XIST: variants seen among roughly 807,000 people sequenced by gnomAD.
XIST encodes the protein X inactive specific transcript, also known as X inactive specific transcript (non-protein coding).
exon 1 of XIST, chrX:73,847,904 C>G (rs1922815734): frequency 1.8e-6 from 1 of 557,226 alleles, no homozygotes; most frequent in South Asian, 2.2e-5. Flanking sequence ...ATATCCCTTG[C>G]TGTAAAACAA....
At chrX:73,821,281 C>G in exon 6 of XIST, 1 of 555,820 alleles carries the variant, frequency 1.8e-6, no homozygotes. Flanking sequence ...TCCTTCTCCA[C>G]TTATGGATGT....
rs142826759 is a variant in XIST at position 73,852,511 on chromosome X, C to A, written n.213G>T. 135 of 537,780 alleles carry A rather than the reference C, an allele frequency of 2.5e-4. 1 individual carries two copies. Among genetic ancestry groups the A allele is most frequent in the African/African-American group, 2.4e-3 (104 of 43,530 alleles). The allele number at this position is 537,780 out of a possible 1,213,427, so 44.3% of individuals were successfully genotyped here. A position where few individuals can be genotyped will look rare whatever the true frequency, so the allele number is the denominator to read the frequency against. On this transcript the variant is annotated non_coding_transcript_exon_variant, in exon 1 of 6. Coordinates refer to ENST00000429829, the Ensembl canonical transcript of XIST. ...TGCCTCAAAATATTCCAAATACTTT[C>A]TTTAAAAAAATATGGAGGACGTGTC...
intron 1 of XIST, among the ~76,000 whole-genome samples, chrX:73,840,703 C>T (rs1486118962): frequency 9.0e-6 from 1 of 111,039 alleles, no homozygotes; most frequent in Non-Finnish European, 1.9e-5. Flanking sequence ...TGGAAGGAGC[C>T]GAAGTATTAG....
At chrX:73,842,556 A>G in exon 1 of XIST, 1 of 558,814 alleles carries the variant, frequency 1.8e-6, no homozygotes, top group South Asian at 2.2e-5. Context: ...CATAGTCAAC[A>G]CTGCACCAAC....
At chrX:73,835,484 C>A (rs890791086) in intron 2 of XIST, among the ~76,000 whole-genome samples, 1 of 111,925 alleles carries the variant, frequency 8.9e-6, no homozygotes, top group Non-Finnish European at 1.9e-5. Context: ...TCAAAAGAAA[C>A]TATAATACTA....
At chrX:73,842,851 T>C (rs750792798) in exon 1 of XIST, 10 of 555,828 alleles carry the variant, frequency 1.8e-5, no homozygotes, top group South Asian at 1.8e-4. Flanking sequence ...TCTTACCTAA[T>C]AGCTGCAAAT....
chrX:73,843,691 T>C (rs200152424), exon 1 of XIST: 11 of 556,862 alleles, frequency 2.0e-5, no homozygotes, highest in East Asian at 9.8e-5. Context: ...GCTTAGAGAA[T>C]TGAGTTTGTG....
At chrX:73,841,590 C>A (rs1280321104) in exon 1 of XIST, 3 of 558,824 alleles carry the variant, frequency 5.4e-6, no homozygotes, top group Non-Finnish European at 9.7e-6. Context: ...ACACCCTGTA[C>A]ACTAGTGGCT....
chrX:73,837,706 A>C (rs1281808845), intron 1 of XIST, among the ~76,000 whole-genome samples: 1 of 111,734 alleles, frequency 8.9e-6, no homozygotes, highest in Non-Finnish European at 1.9e-5. Context: ...CACTGTTCTA[A>C]CATTAAAAGG....
exon 6 of XIST, chrX:73,822,429 A>G: frequency 1.9e-6 from 1 of 515,473 alleles, no homozygotes; most frequent in Non-Finnish European, 3.5e-6. Context: ...CTGGGAAGGC[A>G]TGCATTTTTT....
exon 1 of XIST, chrX:73,850,811 G>A (rs765805993): frequency 9.8e-6 from 5 of 507,996 alleles, no homozygotes; most frequent in Middle Eastern, 4.1e-4. Flanking sequence ...CAATACAGAG[G>A]AATGGAGGGA....
chrX:73,826,779 G>A (rs748127798), exon 6 of XIST: 2 of 558,509 alleles, frequency 3.6e-6, no homozygotes, highest in South Asian at 2.2e-5. Flanking sequence ...TAGGCTTTGT[G>A]ACAGGGGCCT....
At chrX:73,823,635 T>TAAGA in exon 6 of XIST, 1 of 558,819 alleles carries the variant, frequency 1.8e-6, no homozygotes, top group Non-Finnish European at 3.2e-6. Context: ...CATCAGCACT[T>TAAGA]AAGAAACTGG....
chrX:73,851,558 A>G (rs1922942508), exon 1 of XIST: 1 of 559,206 alleles, frequency 1.8e-6, no homozygotes, highest in Non-Finnish European at 3.2e-6. Context: ...CAAAATCGCC[A>G]TTTTAAGCCC....
exon 1 of XIST, chrX:73,847,772 C>CTT: frequency 1.8e-6 from 1 of 558,785 alleles, no homozygotes; most frequent in Non-Finnish European, 3.2e-6. Context: ...GAGAAGGACT[C>CTT]TGGGTTTCCA....
chrX:73,831,953 C>T (rs1922393294), intron 3 of XIST, among the ~76,000 whole-genome samples: 1 of 112,154 alleles, frequency 8.9e-6, no homozygotes. Flanking sequence ...GGTAACATTT[C>T]TTCAACAACC....
intron 1 of XIST, among the ~76,000 whole-genome samples, chrX:73,837,716 G>A (rs1451314661): frequency 9.0e-6 from 1 of 111,244 alleles, no homozygotes; most frequent in Non-Finnish European, 1.9e-5. Flanking sequence ...ACATTAAAAG[G>A]TTATTTTTTC....
chrX:73,851,015 G>A (rs1338390753), exon 1 of XIST: 3 of 559,368 alleles, frequency 5.4e-6, no homozygotes, highest in Admixed American at 4.4e-5. Context: ...AGACAGCTGC[G>A]AAGTGCCATG....
chrX:73,852,682 G>C (rs745425895), exon 1 of XIST: 1 of 464,716 alleles, frequency 2.2e-6, no homozygotes, highest in South Asian at 3.4e-5. Context: ...TCTTCAGTCA[G>C]GAAGCTTCCA....
Sources: gnomAD v4.1 joint callset for allele counts (sites outside exome capture counted in the v4.1 genomes callset) on GRCh38, gnomAD v4.1.1 for gene constraint, MANE v1.5 for transcripts, NCBI Gene and HGNC (gene_info 2026-07-23, HGNC 2026-07-21) for gene names.